COL4A1: variants seen among roughly 807,000 people sequenced by gnomAD.
The protein encoded by COL4A1 is collagen type IV alpha 1 chain.
COL4A1 carries 40 observed loss-of-function variants against 216.6 expected under a neutral mutation model. The ratio of observed to expected loss-of-function variants is 0.18; its 90% CI spans 0.14 to 0.24. The LOEUF (loss-of-function observed/expected upper bound fraction) is 0.24, where lower values mean the gene tolerates loss of function less well. Ranked by LOEUF, COL4A1 falls within the 10% of genes least tolerant of loss-of-function variation. The pLI is 1.00. For missense variants in COL4A1, 1,628 were observed against 2,196.8 expected (o/e 0.74, Z 5.18); for synonymous variants, 839 against 810.7 (o/e 1.03, Z -0.59).
intron 1 of COL4A1, among the ~76,000 whole-genome samples, chr13:110,260,349 T>C (rs1361788187): frequency 6.6e-6 from 1 of 152,176 alleles, no homozygotes; most frequent in Non-Finnish European, 1.5e-5. Flanking sequence ...GCCCCCATGA[T>C]TCAATTACCT....
chr13:110,163,674 G>A lies in COL4A1; in HGVS notation c.4151-113C>T, dbSNP rs529712012. 30 of 1,026,924 alleles carry A rather than the reference G, an allele frequency of 2.9e-5. No homozygotes were observed. The East Asian group carries it at 5.2e-4, about 18-fold the overall frequency. 63.6% of individuals were successfully genotyped at this position (1,026,924 alleles called of 1,614,324 possible). The stretch of plus-strand genomic sequence containing the variant: ...AAGGAGCCAAGCATAAAGTCTCACT[G>A]CAGATGAGAACGTTTTCTCGGACAG... On this transcript the variant is annotated intron_variant, in intron 46 of 51. Transcript: ENST00000375820.
intron 2 of COL4A1, among the ~76,000 whole-genome samples, chr13:110,223,383 GA>G (rs537774666): frequency 2.0e-5 from 3 of 150,440 alleles, no homozygotes; most frequent in African/African-American, 7.3e-5. Context: ...AATTCTAAAA[GA>G]AAAAAAAATC....
intron 1 of COL4A1, among the ~76,000 whole-genome samples, chr13:110,244,926 A>C (rs1566408461): frequency 6.6e-6 from 1 of 152,226 alleles, no homozygotes; most frequent in Non-Finnish European, 1.5e-5. Flanking sequence ...TAAAACATCA[A>C]TAAATGCACA....
chr13:110,190,677 A>G (rs1878587635), intron 24 of COL4A1: 2 of 152,238 alleles, frequency 1.3e-5, no homozygotes, highest in African/African-American at 2.4e-5. Context: ...CACATTTCTG[A>G]GCGAGTTAAA....
chr13:110,176,390 C>A (rs768118921), intron 36 of COL4A1, 34 bp downstream of exon 36: 2 of 1,419,350 alleles, frequency 1.4e-6, no homozygotes, highest in Non-Finnish European at 1.0e-6. Flanking sequence ...CACACGCACA[C>A]ATGCTAAAGA....
chr13:110,171,715 G>A lies in COL4A1; in HGVS notation c.3557-983C>T, dbSNP rs141355839. 2.6e-3 allele frequency among the ~76,000 whole-genome samples: 392 copies of A among 152,334 alleles called. 2 individuals carry two copies. Among genetic ancestry groups the A allele is most frequent in the Non-Finnish European group, 4.4e-3 (300 of 68,028 alleles). On this transcript the variant is annotated intron_variant, in intron 41 of 51. Coordinates refer to ENST00000375820, the MANE Select transcript of COL4A1 (RefSeq NM_001845.6). ...CAGCAATGAGTGGAAAACGCAAGGT[G>A]CTGCGTAGAGTTTGTGCAAGGGCAG...
At chr13:110,294,096 G>T (rs1394847945) in intron 1 of COL4A1, among the ~76,000 whole-genome samples, 1 of 152,080 alleles carries the variant, frequency 6.6e-6, no homozygotes, top group Admixed American at 6.5e-5. Context: ...TGAGCTGGAG[G>T]AGACGAGCCC....
intron 2 of COL4A1, among the ~76,000 whole-genome samples, chr13:110,215,908 G>T (rs1383988132): frequency 6.6e-6 from 1 of 152,214 alleles, no homozygotes. Flanking sequence ...ACAAACGCAG[G>T]AAGGACGTTA....
intron 51 of COL4A1, 89 bp downstream of exon 51, chr13:110,152,245 G>T: frequency 6.4e-7 from 1 of 1,566,264 alleles, no homozygotes; most frequent in Non-Finnish European, 8.7e-7. Flanking sequence ...TTGAGACTTT[G>T]CATTGGAAGG....
chr13:110,208,957 C>A (rs1879641533), intron 11 of COL4A1, 67 bp from the exon 12 acceptor site: 7 of 1,486,484 alleles, frequency 4.7e-6, no homozygotes, highest in Non-Finnish European at 6.6e-6. Context: ...TTCTACAAAC[C>A]TCACACAAAA....
intron 1 of COL4A1, among the ~76,000 whole-genome samples, chr13:110,288,421 G>T (rs531919465): frequency 2.6e-5 from 4 of 152,030 alleles, no homozygotes; most frequent in Admixed American, 6.5e-5. Flanking sequence ...AAAATCCATG[G>T]CTCAGGAGAT....
intron 1 of COL4A1, among the ~76,000 whole-genome samples, chr13:110,245,315 G>A (rs955425020): frequency 3.9e-5 from 6 of 152,156 alleles, no homozygotes; most frequent in Admixed American, 2.6e-4. Context: ...ACCTGTTTGC[G>A]TTTGAGCCAA....
In COL4A1 at chr13:110,211,449, C is replaced by A. The variant is rs1418419565; in HGVS notation, c.468+198G>T. Among the ~76,000 whole-genome samples the A allele has an allele frequency of 6.6e-6, 1 of 152,148 alleles. No individual in the cohort carries two copies. The highest frequency in any genetic ancestry group is 1.5e-5 in the Non-Finnish European group (1 of 68,030). ...CTTATTCCCCATTAAGAAGCTGTGCCAAGTGTCTGAACGTTAGAGTCTGAG... is the reference window on the plus strand; with the variant it reads ...CTTATTCCCCATTAAGAAGCTGTGCAAAGTGTCTGAACGTTAGAGTCTGAG... On this transcript the variant is annotated intron_variant, in intron 8 of 51. Coordinates refer to ENST00000375820, the MANE Select transcript of COL4A1 (RefSeq NM_001845.6). This position sits in a 1 kb window ranked among gnomAD's most constrained non-coding sequence, Gnocchi z 4.3.
chr13:110,272,819 C>T (rs1417527736), intron 1 of COL4A1, among the ~76,000 whole-genome samples: 1 of 152,192 alleles, frequency 6.6e-6, no homozygotes, highest in Non-Finnish European at 1.5e-5. Context: ...GTCACCTCTA[C>T]TATGGAAGTA....
chr13:110,239,670 A>G (rs1881470136), intron 2 of COL4A1, among the ~76,000 whole-genome samples: 1 of 152,214 alleles, frequency 6.6e-6, no homozygotes, highest in Admixed American at 6.5e-5. Flanking sequence ...TTTTTACACT[A>G]GGTCGGCATT....
chr13:110,181,211 C>A, intron 29 of COL4A1, 81 bp downstream of exon 29: 2 of 1,361,692 alleles, frequency 1.5e-6, no homozygotes, highest in South Asian at 1.2e-5. Flanking sequence ...TGTCCTGGGA[C>A]GTTCACAACC....
intron 29 of COL4A1, 49 bp from the exon 30 acceptor site, chr13:110,179,470 A>G (rs1452983570): frequency 2.5e-6 from 4 of 1,613,582 alleles, no homozygotes; most frequent in Non-Finnish European, 3.4e-6. Context: ...CAAAGTCAGT[A>G]TTTTTATCAA....
chr13:110,170,566 C>T lies in COL4A1; in HGVS notation c.3723G>A (p.Gln1241=). ...TEGPKGDRGP[Q]GQPGLPGLPG... ...CCTTACCTGGCAGGCCAGGCTGGCC[C>T]TGAGGTCCGCGGTCTCCTTTGGGCC... Residue 1241 remains glutamine, a synonymous_variant, in exon 42 of 52, where the codon CAG becomes CAA. Coordinates refer to ENST00000375820, the MANE Select transcript of COL4A1 (RefSeq NM_001845.6). The T allele has an allele frequency of 6.2e-7, 1 of 1,605,360 alleles. No individual in the cohort carries two copies. Among genetic ancestry groups the T allele is most frequent in the Non-Finnish European group, 8.5e-7 (1 of 1,175,788 alleles).
chr13:110,170,234 G>A (rs1362650052), intron 42 of COL4A1, among the ~76,000 whole-genome samples: 1 of 152,172 alleles, frequency 6.6e-6, no homozygotes, highest in African/African-American at 2.4e-5. Flanking sequence ...CACTACGGGG[G>A]TCTTCACCAG....
Sources: allele counts gnomAD v4.1 joint callset (sites outside exome capture counted in the v4.1 genomes callset), GRCh38; gene constraint gnomAD v4.1.1; non-coding constraint Gnocchi (gnomAD v3.1); transcripts MANE v1.5; gene names NCBI Gene and HGNC (gene_info 2026-07-23, HGNC 2026-07-21).